The following RYR2 variants were observed in gnomAD, a reference collection of about 807,000 sequenced individuals.
The protein encoded by RYR2 is cardiac muscle ryanodine receptor-calcium release channel.
Under a neutral mutation model 601.1 loss-of-function variants are expected in RYR2, and 227 were observed. The ratio of observed to expected loss-of-function variants is 0.38; its 90% CI spans 0.34 to 0.42. RYR2 has a LOEUF of 0.42. Ranked by LOEUF, RYR2 falls within the 10% of genes least tolerant of loss-of-function variation. RYR2 has a pLI of 1.00. For missense variants in RYR2, 4,646 were observed against 6,156.5 expected, an observed-to-expected ratio of 0.75 and a Z score of 8.21; for synonymous variants, 2,223 against 2,175.1, an observed-to-expected ratio of 1.02 and a Z score of -0.61.
chr1:237,792,399 G>A (rs12566323), intron 94 of RYR2, 76 bp downstream of exon 94: 2,123 of 122,642 alleles, frequency 0.017, 17 homozygotes, highest in East Asian at 0.054. Context: ...GTGTGTGTGC[G>A]TGTGTGTGTG....
chr1:237,164,035 C>T (rs866771097), intron 1 of RYR2, among the ~76,000 whole-genome samples: 1 of 152,176 alleles, frequency 6.6e-6, no homozygotes, highest in Admixed American at 6.5e-5. Context: ...CCTGTAATCC[C>T]AGCACTTTGG....
chr1:237,169,860 T>G (rs1437456797), intron 1 of RYR2, among the ~76,000 whole-genome samples: 1 of 59,276 alleles, frequency 1.7e-5, no homozygotes, highest in African/African-American at 3.1e-5. Context: ...ATCTCCTATC[T>G]TTTATGATTT....
chr1:237,617,551 T>G, intron 38 of RYR2, 65 bp downstream of exon 38: 1 of 1,482,428 alleles, frequency 6.7e-7, no homozygotes, highest in South Asian at 1.2e-5. Flanking sequence ...GATCTCTGCC[T>G]TGCAAAATTA....
chr1:237,340,591 A>G (rs1697685831), intron 3 of RYR2, among the ~76,000 whole-genome samples: 1 of 152,216 alleles, frequency 6.6e-6, no homozygotes. Context: ...TGAAACTTCT[A>G]TTCTCAAATA....
At chr1:237,613,655 C>A (rs1391291124) in intron 36 of RYR2, among the ~76,000 whole-genome samples, 1 of 152,072 alleles carries the variant, frequency 6.6e-6, no homozygotes, top group Non-Finnish European at 1.5e-5. Context: ...ACTATGCAGC[C>A]ATTAAACATG....
intron 91 of RYR2, among the ~76,000 whole-genome samples, chr1:237,786,510 A>AAAAC (rs1386315904): frequency 1.2e-4 from 19 of 152,226 alleles, no homozygotes; most frequent in Admixed American, 1.2e-3. Context: ...AGAGTTGGTT[A>AAAAC]AAACAAACAT....
At position 237,784,110 on chromosome 1, in the gene RYR2, T is replaced by A; in HGVS notation, c.12398T>A (p.Leu4133Gln). The A allele has an allele frequency of 6.2e-7, 1 of 1,614,012 alleles. No individual in the cohort carries two copies. The highest frequency in any genetic ancestry group is 8.5e-7 in the Non-Finnish European group (1 of 1,179,890). ...ESVLNYFQPF[L>Q]GRIEIMGSAK... is the part of the protein sequence containing the mutation. ...GTCCTGAATTATTTCCAGCCCTTTC[T>A]GGGCCGCATCGAAATCATGGGAAGC... Residue 4133 changes from leucine (L) to glutamine (Q), a missense_variant, in exon 90 of 105, where the codon CTG becomes CAG. Coordinates refer to ENST00000366574, the MANE Select transcript of RYR2 (RefSeq NM_001035.3). This position sits in a 1 kb window ranked among gnomAD's most constrained non-coding sequence, Gnocchi z 7.1.
chr1:237,049,133 G>A (rs1248438431), intron 1 of RYR2, among the ~76,000 whole-genome samples: 2 of 152,162 alleles, frequency 1.3e-5, no homozygotes, highest in Non-Finnish European at 2.9e-5. Flanking sequence ...CCCGGAGAAG[G>A]CAATTAGAGA....
rs1052426639 is a variant in RYR2, at chr1:237,127,321, T to C, written c.48+84752T>C. Among the ~76,000 whole-genome samples, 42 of 150,890 alleles carry C rather than the reference T, an allele frequency of 2.8e-4. No individual in the cohort carries two copies. The South Asian group carries it at 2.9e-3, about 11-fold the overall frequency. ...TGGGTACACCTCCCAGACAGGGTGG[T>C]GGCCGGGCAGAGGGGCTCCTCACTT... On this transcript the variant is annotated intron_variant, in intron 1 of 104. Transcript: ENST00000366574.
chr1:237,298,972 C>T (rs191272618), intron 2 of RYR2, among the ~76,000 whole-genome samples: 19 of 152,134 alleles, frequency 1.2e-4, no homozygotes, highest in South Asian at 2.1e-4. Context: ...CCAGCCTGGG[C>T]GACAAAGTGA....
intron 28 of RYR2, among the ~76,000 whole-genome samples, chr1:237,567,392 A>G (rs899971966): frequency 6.7e-6 from 1 of 148,814 alleles, no homozygotes; most frequent in African/African-American, 2.5e-5. Flanking sequence ...CAGCCTGGGC[A>G]ACAAAGTAAG....
Position 237,354,383 on chromosome 1 carries a change from T to A in RYR2, c.274-1582T>A, listed in dbSNP as rs182614543. Among the ~76,000 whole-genome samples the A allele has an allele frequency of 1.1e-3, 167 of 152,050 alleles. 1 individual carries two copies. The highest frequency in any genetic ancestry group is 1.8e-3 in the Non-Finnish European group (124 of 67,900). ...TGTATGCATGTGTGAATGTCTGACA[T>A]GCAGAAGTGAACCTGATAATGGCAA... On this transcript the variant is annotated intron_variant, in intron 3 of 104. Transcript: ENST00000366574.
chr1:237,330,925 C>G lies in RYR2; in HGVS notation c.216C>G (p.Ser72=). 6.2e-7 allele frequency: 1 copy of G among 1,613,954 alleles called. No homozygotes were observed. Among genetic ancestry groups the G allele is most frequent in the Non-Finnish European group, 8.5e-7 (1 of 1,179,874 alleles). ...LSICTFVLEQ[S]LSVRALQEML... Reference sequence around the variant, plus strand: ...TCTGCACCTTTGTGCTGGAGCAGTCCCTCTCTGTCCGGGCGCTGCAGGAGA... The same window carrying G: ...TCTGCACCTTTGTGCTGGAGCAGTCGCTCTCTGTCCGGGCGCTGCAGGAGA... Residue 72 remains serine, a synonymous_variant, in exon 3 of 105, where the codon TCC becomes TCG. Coordinates refer to ENST00000366574, the MANE Select transcript of RYR2 (RefSeq NM_001035.3).
rs539166103 is a variant in RYR2 at position 237,213,606 on chromosome 1, T to C, written c.49-56891T>C. Among the ~76,000 whole-genome samples the C allele has an allele frequency of 9.4e-4, 143 of 152,326 alleles. 1 individual carries two copies. The highest frequency in any genetic ancestry group is 3.2e-3 in the African/African-American group (133 of 41,580). On this transcript the variant is annotated intron_variant, in intron 1 of 104. Coordinates refer to ENST00000366574, the MANE Select transcript of RYR2 (RefSeq NM_001035.3). ...CTAATGGGAGCGCCTCTTCTCAATA[T>C]ATAACAGCTGTTTATAAGATAAGAT...
intron 88 of RYR2, among the ~76,000 whole-genome samples, chr1:237,781,060 T>G (rs1695067666): frequency 6.6e-6 from 1 of 152,180 alleles, no homozygotes; most frequent in Non-Finnish European, 1.5e-5. Flanking sequence ...ATACTTTTTT[T>G]TTTTCTGAGA....
chr1:237,400,612 A>G (rs1228162139), intron 10 of RYR2, among the ~76,000 whole-genome samples: 1 of 152,236 alleles, frequency 6.6e-6, no homozygotes, highest in Non-Finnish European at 1.5e-5. Flanking sequence ...GGAAATAGTT[A>G]TATTTTAAAG....
chr1:237,816,004 TCATC>T lies in RYR2; in HGVS notation c.14434-3027_14434-3024del, dbSNP rs572561656. 4.7e-4 allele frequency among the ~76,000 whole-genome samples: 72 copies of T among 152,252 alleles called. 1 individual carries two copies. Among genetic ancestry groups the T allele is most frequent in the African/African-American group, 1.7e-3 (71 of 41,546 alleles). On this transcript the variant is annotated intron_variant, in intron 100 of 104. Transcript: ENST00000366574. ...CAAGAGGAACTGATGGATGATCAGT[TCATC>T]CATCAGTTGCTGGGCAATCTTAGCC...
intron 54 of RYR2, among the ~76,000 whole-genome samples, chr1:237,659,212 C>G (rs1013944098): frequency 1.2e-4 from 18 of 152,110 alleles, no homozygotes; most frequent in Non-Finnish European, 1.8e-4. Flanking sequence ...TCTAAGAAAC[C>G]CTTTTTTGTT....
At chr1:237,830,329 A>T (rs1360922292) in intron 102 of RYR2, 2 of 457,166 alleles carry the variant, frequency 4.4e-6, no homozygotes, top group East Asian at 7.8e-5. Context: ...TGCTGCTGGT[A>T]CCTGTGTCAT....
Sources: gnomAD v4.1 joint callset for allele counts (sites outside exome capture counted in the v4.1 genomes callset) on GRCh38, gnomAD v4.1.1 for gene constraint, Gnocchi (gnomAD v3.1) non-coding constraint, MANE v1.5 for transcripts, NCBI Gene and HGNC (gene_info 2026-07-23, HGNC 2026-07-21) for gene names.